Variants in FANK1 observed in about 807,000 individuals in gnomAD.
FANK1 encodes the protein fibronectin type III and ankyrin repeat domains 1.
A neutral mutation model predicts 45.3 loss-of-function variants in FANK1; 44 were observed. That is an observed-to-expected ratio of 0.97 (90% CI 0.76 to 1.25). The LOEUF is 1.25. FANK1 is among the 50% of genes most tolerant of loss of function. The probability of loss-of-function intolerance (pLI) is 0.00; values close to 1 mark genes in which losing one functional copy is unlikely to be tolerated. For synonymous variants in FANK1, 149 were observed against 152.5 expected, an observed-to-expected ratio of 0.98 and a Z score of 0.17; for missense variants, 391 against 424.4, an observed-to-expected ratio of 0.92 and a Z score of 0.69.
intron 1 of FANK1, among the ~76,000 whole-genome samples, chr10:125,950,197 T>C (rs1206240670): frequency 6.6e-6 from 1 of 150,888 alleles, no homozygotes; most frequent in Admixed American, 6.6e-5. Context: ...ATTCAGGACA[T>C]AGGCATGGGC....
Position 126,009,451 on chromosome 10 carries a change from T to A in FANK1, c.*13T>A. The A allele has an allele frequency of 6.2e-7, 1 of 1,611,802 alleles. No homozygotes were observed. The highest frequency in any genetic ancestry group is 8.5e-7 in the Non-Finnish European group (1 of 1,179,490). On this transcript the variant is annotated 3_prime_UTR_variant, in exon 11 of 11. Transcript: ENST00000368693. ...TTGTGTCTGCTGATGAGAGCACCAC[T>A]CATCTGCGAAACGCACGTAAAACAA...
intron 1 of FANK1, among the ~76,000 whole-genome samples, chr10:125,925,153 A>G (rs1236189051): frequency 6.6e-6 from 1 of 152,004 alleles, no homozygotes; most frequent in Non-Finnish European, 1.5e-5. Flanking sequence ...CTCCCTAATT[A>G]TTTTTATACT....
chr10:125,994,434 C>T (rs908554571), intron 3 of FANK1: 23 of 985,152 alleles, frequency 2.3e-5, no homozygotes, highest in Middle Eastern at 5.2e-4. Flanking sequence ...GGATTATAAA[C>T]TCAAACTCTT....
At position 125,945,207 on chromosome 10, in the gene FANK1, T is replaced by TA. The variant is rs202216600; in HGVS notation, c.14-34946dup. 4.8e-3 allele frequency among the ~76,000 whole-genome samples: 726 copies of TA among 151,994 alleles called. 41 individuals carry two copies. The East Asian group carries it at 0.097, about 20-fold the overall frequency. On this transcript the variant is annotated intron_variant, in intron 1 of 10. Coordinates refer to ENST00000368693, the MANE Select transcript of FANK1 (RefSeq NM_145235.5). Reference sequence around the variant, plus strand: ...CTGGTGTAAGTCATGTGTGTCTTGTTAAAAAAAATTTAATAAGAACAAAAC... The same window carrying TA: ...CTGGTGTAAGTCATGTGTGTCTTGTTAAAAAAAAATTTAATAAGAACAAAAC...
intron 10 of FANK1, 41 bp downstream of exon 10, chr10:126,009,307 CCTT>C (rs371527024): frequency 1.9e-6 from 3 of 1,614,046 alleles, no homozygotes; most frequent in African/African-American, 2.7e-5. Context: ...AATTTTTAGT[CCTT>C]CTAGACTCAG....
At chr10:125,911,607 C>T (rs2134115588) in intron 1 of FANK1, among the ~76,000 whole-genome samples, 1 of 152,364 alleles carries the variant, frequency 6.6e-6, no homozygotes, top group Non-Finnish European at 1.5e-5. Flanking sequence ...ATTGTTAAAT[C>T]ACTCTCCTCT....
Position 125,983,208 on chromosome 10 carries a change from T to C in FANK1, c.191+2870T>C, listed in dbSNP as rs958662999. Among the ~76,000 whole-genome samples the C allele has an allele frequency of 2.6e-5, 4 of 152,196 alleles. No individual in the cohort carries two copies. Among genetic ancestry groups the C allele is most frequent in the Non-Finnish European group, 2.9e-5 (2 of 68,036 alleles). ...TTGGACAGATTTTCCCCTCTCACCC[T>C]ATTCTTTCTTCTGCCCTGGTCAGAT... On this transcript the variant is annotated intron_variant, in intron 2 of 10. Transcript: ENST00000368693. This position sits in a 1 kb window ranked among gnomAD's most constrained non-coding sequence, Gnocchi z 4.3.
intron 1 of FANK1, among the ~76,000 whole-genome samples, chr10:125,929,766 G>T (rs1392353750): frequency 6.6e-6 from 1 of 152,148 alleles, no homozygotes; most frequent in South Asian, 2.1e-4. Context: ...GAAACTACAC[G>T]CCACAGTGTG....
At chr10:125,987,027 T>C (rs112324496) in intron 2 of FANK1, among the ~76,000 whole-genome samples, 2,105 of 152,288 alleles carry the variant, frequency 0.014, 47 homozygotes, top group African/African-American at 0.046. Flanking sequence ...ACCCACCTGA[T>C]CCAGATCTGA....
intron 2 of FANK1, among the ~76,000 whole-genome samples, chr10:125,982,673 T>C (rs555436687): frequency 1.2e-4 from 19 of 152,248 alleles, no homozygotes; most frequent in Admixed American, 2.6e-4. Flanking sequence ...CAGTTTCTGT[T>C]CCCATCAGTC....
At chr10:125,906,995 A>T (rs1362827424) in intron 1 of FANK1, among the ~76,000 whole-genome samples, 2 of 152,228 alleles carry the variant, frequency 1.3e-5, no homozygotes, top group South Asian at 4.1e-4. Flanking sequence ...CTCTCTGAGC[A>T]TTAGGTTTGT....
At chr10:125,970,379 C>G (rs939037860) in intron 1 of FANK1, among the ~76,000 whole-genome samples, 30 of 152,046 alleles carry the variant, frequency 2.0e-4, no homozygotes, top group African/African-American at 6.8e-4. Flanking sequence ...CCCCACATCC[C>G]AGACGATGGG....
intron 3 of FANK1, among the ~76,000 whole-genome samples, chr10:125,989,965 C>T (rs1022849455): frequency 1.3e-5 from 2 of 152,212 alleles, no homozygotes; most frequent in African/African-American, 4.8e-5. Context: ...CCACCGCCCA[C>T]AGGCCTCCTG....
At chr10:125,928,532 A>G (rs955681780) in intron 1 of FANK1, among the ~76,000 whole-genome samples, 9 of 152,214 alleles carry the variant, frequency 5.9e-5, no homozygotes, top group African/African-American at 2.2e-4. Context: ...AATGCAGCCC[A>G]GTAGGTCTCA....
At chr10:125,943,819 A>T (rs1326905421) in intron 1 of FANK1, among the ~76,000 whole-genome samples, 4 of 152,230 alleles carry the variant, frequency 2.6e-5, no homozygotes, top group East Asian at 1.9e-4. Flanking sequence ...AGATAAATTC[A>T]AGAAGAACGT....
intron 4 of FANK1, 109 bp downstream of exon 4, chr10:125,995,607 T>C: frequency 9.9e-7 from 1 of 1,008,702 alleles, no homozygotes; most frequent in Non-Finnish European, 1.5e-6. Context: ...GCTTTGAAAC[T>C]GCCTCCAAAA....
chr10:125,926,329 A>G, intron 1 of FANK1, among the ~76,000 whole-genome samples: 1 of 152,310 alleles, frequency 6.6e-6, no homozygotes. Flanking sequence ...TTTTTTGTGT[A>G]TTTAGTTCTA....
At chr10:125,996,069 C>CA (rs1564960626) in intron 4 of FANK1, among the ~76,000 whole-genome samples, 1 of 152,190 alleles carries the variant, frequency 6.6e-6, no homozygotes, top group Non-Finnish European at 1.5e-5. Context: ...AAGGTTCCCA[C>CA]AAAAAGCCAA....
At position 125,956,838 on chromosome 10, in the gene FANK1, A is replaced by T. The variant is rs528897441; in HGVS notation, c.14-23323A>T. ...ATTATAGATTTGTATAATAAGGGCG[A>T]GTTCGGGGTAGTATAGGCTTCTAAT... On this transcript the variant is annotated intron_variant, in intron 1 of 10. Coordinates refer to ENST00000368693, the MANE Select transcript of FANK1 (RefSeq NM_145235.5). Among the ~76,000 whole-genome samples the T allele has an allele frequency of 2.0e-4, 30 of 152,256 alleles. 1 individual carries two copies. Among genetic ancestry groups the T allele is most frequent in the Non-Finnish European group, 4.3e-4 (29 of 68,018 alleles).
Sources: allele counts gnomAD v4.1 joint callset (sites outside exome capture counted in the v4.1 genomes callset), GRCh38; gene constraint gnomAD v4.1.1; non-coding constraint Gnocchi (gnomAD v3.1); transcripts MANE v1.5; gene names NCBI Gene and HGNC (gene_info 2026-07-23, HGNC 2026-07-21).